Variants in TTLL12 observed in about 807,000 individuals in gnomAD.
TTLL12 encodes the protein tubulin tyrosine ligase like 12, also known as tubulin--tyrosine ligase-like protein 12.
In TTLL12, 77 loss-of-function variants were observed where a neutral mutation model predicts 79.6. The ratio of observed to expected loss-of-function variants is 0.97; its 90% CI spans 0.81 to 1.17. The LOEUF is 1.17. Among genes scored for constraint, TTLL12 ranks in the 50% most tolerant of loss-of-function variants. The pLI is 0.00. For missense variants in TTLL12, 969 were observed against 895.9 expected (o/e 1.08, Z -1.04); for synonymous variants, 437 against 376.1 (o/e 1.16, Z -1.87).
chr22:43,171,953 C>T lies in TTLL12; in HGVS notation c.1494-53G>A, dbSNP rs1931777879. 28 of 1,513,464 alleles carry T rather than the reference C, an allele frequency of 1.9e-5. No homozygotes were observed. In the South Asian group the frequency reaches 2.3e-4, roughly 13 times the overall value. The allele number at this position is 1,513,464 out of a possible 1,614,324, so 93.8% of individuals were successfully genotyped here. A position where few individuals can be genotyped will look rare whatever the true frequency, so the allele number is the denominator to read the frequency against. Reference sequence around the variant, plus strand: ...GGGTTCTTGAGCGGCCTTGTCCCTGCGAGGGAGGTGCCACCCACTCAGCCT... The same window carrying T: ...GGGTTCTTGAGCGGCCTTGTCCCTGTGAGGGAGGTGCCACCCACTCAGCCT... On this transcript the variant is annotated intron_variant, in intron 10 of 13. Coordinates refer to ENST00000216129, the MANE Select transcript of TTLL12 (RefSeq NM_015140.4).
At chr22:43,186,194 C>CCCT (rs948062983) in intron 1 of TTLL12, among the ~76,000 whole-genome samples, 2 of 147,464 alleles carry the variant, frequency 1.4e-5, no homozygotes, top group Admixed American at 6.7e-5. Context: ...AAAACACCCC[C>CCCT]CCCCCCGCCA....
intron 9 of TTLL12, among the ~76,000 whole-genome samples, 166 bp from the exon 10 acceptor site, chr22:43,172,720 CAG>C (rs1931799401): frequency 1.3e-5 from 2 of 149,364 alleles, no homozygotes; most frequent in South Asian, 4.2e-4. Flanking sequence ...TTTTTTGAGA[CAG>C]AGTTTTGTTC....
Position 43,173,230 on chromosome 22 carries a change from G to T in TTLL12, c.1341+485C>A, listed in dbSNP as rs1931810955. 2.6e-5 allele frequency among the ~76,000 whole-genome samples: 4 copies of T among 152,140 alleles called. No homozygotes were observed. The South Asian group carries it at 8.3e-4, about 32-fold the overall frequency. On this transcript the variant is annotated intron_variant, in intron 9 of 13. Coordinates refer to ENST00000216129, the MANE Select transcript of TTLL12 (RefSeq NM_015140.4). Reference sequence around the variant, plus strand: ...TTACCACGGCTCTGAGAGGCTCCTTGTCCAGGCTCAGCCACCTCACCCTGC... The same window carrying T: ...TTACCACGGCTCTGAGAGGCTCCTTTTCCAGGCTCAGCCACCTCACCCTGC...
intron 3 of TTLL12, 74 bp downstream of exon 3, chr22:43,180,668 C>T (rs1445942732): frequency 6.5e-7 from 1 of 1,535,488 alleles, no homozygotes; most frequent in Non-Finnish European, 8.9e-7. Flanking sequence ...CTCACCCGGC[C>T]TGATGGCACA....
At position 43,174,286 on chromosome 22, in the gene TTLL12, T is replaced by C; in HGVS notation, c.1152A>G (p.Pro384=). The C allele has an allele frequency of 6.2e-7, 1 of 1,611,180 alleles. No homozygotes were observed. ...IARRAGGPEG[P]PWLPRTFNLR... ...GGTTGAAGGTTCGGGGCAGCCAGGG[T>C]GGGCCCTCGGGGCCACCTGCCCGGC... The change falls in exon 8 of 14, where the codon CCA becomes CCG. Residue 384 remains proline (P), a synonymous_variant. Coordinates refer to ENST00000216129, the MANE Select transcript of TTLL12 (RefSeq NM_015140.4).
chr22:43,172,855 C>A (rs1432830806), intron 9 of TTLL12, among the ~76,000 whole-genome samples: 2 of 151,744 alleles, frequency 1.3e-5, no homozygotes, highest in Admixed American at 1.3e-4. Context: ...CCGCCACCAC[C>A]CCCAGCTAAT....
chr22:43,171,473 C>T (rs73418076), intron 11 of TTLL12, among the ~76,000 whole-genome samples: 5,496 of 152,322 alleles, frequency 0.036, 341 homozygotes, highest in African/African-American at 0.13. Context: ...TGCCCTGGCA[C>T]TCACAGGGTG....
chr22:43,169,841 CTT>C, intron 11 of TTLL12: 1 of 549,044 alleles, frequency 1.8e-6, no homozygotes, highest in Non-Finnish European at 3.5e-6. Flanking sequence ...AGTAAACTGA[CTT>C]TGCCACGCAG....
At chr22:43,169,719 G>A (rs1336588673) in intron 11 of TTLL12, 151 bp from the exon 12 acceptor site, 1 of 739,398 alleles carries the variant, frequency 1.4e-6, no homozygotes, top group Non-Finnish European at 2.4e-6. Context: ...GTCCAAACAG[G>A]AGGCAGGAGA....
rs1249725360 is a variant in TTLL12, at chr22:43,174,619, TG to T, written c.918-5del. On this transcript the variant is annotated splice_region_variant and splice_polypyrimidine_tract_variant and intron_variant, in intron 6 of 13. Transcript: ENST00000216129. ...CTGCTGCACGTCCGTGTAGACCCTG[TG>T]GGGAGAGCCCGAGCTGGGTGATCCC... is the stretch of plus-strand genomic sequence containing the variant. 8.8e-6 allele frequency: 14 copies of T among 1,596,292 alleles called. No individual in the cohort carries two copies. The highest frequency in any genetic ancestry group is 1.3e-5 in the African/African-American group (1 of 74,546).
chr22:43,179,065 C>T (rs1374426901), intron 5 of TTLL12, among the ~76,000 whole-genome samples: 1 of 152,130 alleles, frequency 6.6e-6, no homozygotes, highest in African/African-American at 2.4e-5. Flanking sequence ...GGCACTGGGG[C>T]CTCGACAACT....
chr22:43,168,965 A>T, intron 12 of TTLL12, 53 bp from the exon 13 acceptor site: 1 of 1,548,706 alleles, frequency 6.5e-7, no homozygotes, highest in Non-Finnish European at 8.7e-7. Flanking sequence ...GCCTCTCAAG[A>T]GGGGGTCTGC....
chr22:43,187,114 C>A lies in TTLL12; in HGVS notation c.-45G>T. ...ACTCCAGCGCCGCCACCGCCGCCGC[C>A]GCCCGCCGTCCGTCGGCCCTGCCCT... On this transcript the variant is annotated 5_prime_UTR_variant, in exon 1 of 14. Transcript: ENST00000216129. 2 of 1,063,950 alleles carry A rather than the reference C, an allele frequency of 1.9e-6. No individual in the cohort carries two copies. The highest frequency in any genetic ancestry group is 4.4e-5 in the South Asian group (1 of 22,750). 65.9% of individuals were successfully genotyped at this position (1,063,950 alleles called of 1,614,324 possible). A position where few individuals can be genotyped will look rare whatever the true frequency, so the allele number is the denominator to read the frequency against.
intron 6 of TTLL12, among the ~76,000 whole-genome samples, chr22:43,175,987 C>T (rs1931897422): frequency 6.6e-6 from 1 of 151,372 alleles, no homozygotes; most frequent in African/African-American, 2.4e-5. Flanking sequence ...TATGCCTGGC[C>T]TCATAGGTGA....
intron 5 of TTLL12, among the ~76,000 whole-genome samples, chr22:43,179,231 C>T (rs1931989671): frequency 6.6e-6 from 1 of 152,186 alleles, no homozygotes; most frequent in Non-Finnish European, 1.5e-5. Context: ...TGGTAACTCG[C>T]AGGCCTGCAG....
chr22:43,174,440 G>A (rs754232105), intron 7 of TTLL12, 37 bp from the exon 8 acceptor site: 1 of 1,565,946 alleles, frequency 6.4e-7, no homozygotes, highest in Non-Finnish European at 8.7e-7. Flanking sequence ...CTCAAGGGGA[G>A]GCCGGCAGTG....
chr22:43,186,533 G>A (rs138956), intron 1 of TTLL12, among the ~76,000 whole-genome samples: 26,063 of 152,152 alleles, frequency 0.17, 2,584 homozygotes, highest in Non-Finnish European at 0.23. Flanking sequence ...GTGAGGCAGC[G>A]GCTGAAAGAA....
At chr22:43,169,231 G>A (rs932914545) in intron 12 of TTLL12, among the ~76,000 whole-genome samples, 5 of 152,176 alleles carry the variant, frequency 3.3e-5, no homozygotes, top group African/African-American at 1.2e-4. Flanking sequence ...GGGAATCTAG[G>A]GTCAGGCAGT....
chr22:43,181,035 G>T, intron 2 of TTLL12, 95 bp from the exon 3 acceptor site: 1 of 1,370,808 alleles, frequency 7.3e-7, no homozygotes, highest in Non-Finnish European at 9.9e-7. Context: ...TGGGACCAGG[G>T]CCCAAGCTTC....
Sources: allele counts gnomAD v4.1 joint callset (sites outside exome capture counted in the v4.1 genomes callset), GRCh38; gene constraint gnomAD v4.1.1; transcripts MANE v1.5; gene names NCBI Gene and HGNC (gene_info 2026-07-23, HGNC 2026-07-21).